The following ZC3H12B variants were observed in gnomAD, a reference collection of about 807,000 sequenced individuals.
The protein encoded by ZC3H12B is probable ribonuclease ZC3H12B.
A neutral mutation model predicts 43.9 loss-of-function variants in ZC3H12B; 7 were observed. That is an observed-to-expected ratio of 0.16 (90% confidence interval 0.09 to 0.30). ZC3H12B has a LOEUF of 0.30. Ranked by LOEUF, ZC3H12B falls within the 10% of genes least tolerant of loss-of-function variation. The probability of loss-of-function intolerance (pLI) is 1.00; values close to 1 mark genes in which losing one functional copy is unlikely to be tolerated. For missense variants in ZC3H12B, 475 were observed against 670.2 expected, an observed-to-expected ratio of 0.71 and a Z score of 3.22; for synonymous variants, 222 against 241.7, an observed-to-expected ratio of 0.92 and a Z score of 0.76.
the ZC3H12B span, among the ~76,000 whole-genome samples, chrX:65,127,641 G>A: frequency 1.8e-5 from 2 of 111,125 alleles, no homozygotes; most frequent in Non-Finnish European, 3.8e-5. Flanking sequence ...AAGACCACCT[G>A]GTTGTGGCAG....
At chrX:65,313,808 C>A in the ZC3H12B span, among the ~76,000 whole-genome samples, 1 of 111,702 alleles carries the variant, frequency 9.0e-6, no homozygotes, top group Non-Finnish European at 1.9e-5. Context: ...TTGACAGATT[C>A]TCAAGTGAAA....
At chrX:65,135,251 T>A in the ZC3H12B span, among the ~76,000 whole-genome samples, 1 of 111,481 alleles carries the variant, frequency 9.0e-6, no homozygotes, top group Non-Finnish European at 1.9e-5. Flanking sequence ...TAGAAGCACA[T>A]CACACAATGT....
chrX:65,500,771 T>C (rs947684232), intron 4 of ZC3H12B, among the ~76,000 whole-genome samples: 2 of 109,853 alleles, frequency 1.8e-5, no homozygotes, highest in African/African-American at 3.3e-5. Flanking sequence ...AATATAGTTT[T>C]CTAGAGTGTT....
chrX:65,131,493 G>C, the ZC3H12B span, among the ~76,000 whole-genome samples: 18 of 111,389 alleles, frequency 1.6e-4, no homozygotes, highest in Admixed American at 1.1e-3. Context: ...TAATGAAAAG[G>C]GTTGGGATGA....
At chrX:65,143,387 G>A in the ZC3H12B span, among the ~76,000 whole-genome samples, 1 of 110,637 alleles carries the variant, frequency 9.0e-6, no homozygotes, top group Non-Finnish European at 1.9e-5. Flanking sequence ...ATATTGTTGA[G>A]AGTTTTAATC....
the ZC3H12B span, among the ~76,000 whole-genome samples, chrX:65,346,472 A>T: frequency 8.9e-6 from 1 of 111,773 alleles, no homozygotes; most frequent in South Asian, 3.7e-4. Flanking sequence ...TACAAAAAGT[A>T]ACTCAAGATG....
At chrX:65,154,609 G>C in the ZC3H12B span, among the ~76,000 whole-genome samples, 1 of 112,248 alleles carries the variant, frequency 8.9e-6, no homozygotes, top group Non-Finnish European at 1.9e-5. Context: ...GTTCATTTGG[G>C]AGGCAAAGGC....
At chrX:65,270,695 A>C in the ZC3H12B span, among the ~76,000 whole-genome samples, 7 of 112,393 alleles carry the variant, frequency 6.2e-5, no homozygotes, top group Non-Finnish European at 1.1e-4. Flanking sequence ...ACAAAGTGAG[A>C]ATTTTAACAA....
At chrX:65,055,044 A>G in the ZC3H12B span, among the ~76,000 whole-genome samples, 1 of 111,434 alleles carries the variant, frequency 9.0e-6, no homozygotes, top group African/African-American at 3.3e-5. Context: ...GGGACAATTT[A>G]ACTTCCTCTT....
the ZC3H12B span, among the ~76,000 whole-genome samples, chrX:65,199,425 G>A: frequency 9.1e-6 from 1 of 109,975 alleles, no homozygotes; most frequent in Non-Finnish European, 1.9e-5. Context: ...GTTTCCTCAA[G>A]GCAGCTATTT....
intron 3 of ZC3H12B, among the ~76,000 whole-genome samples, chrX:65,412,857 T>C (rs1288746079): frequency 8.9e-6 from 1 of 111,876 alleles, no homozygotes; most frequent in Non-Finnish European, 1.9e-5. Context: ...TTTTGTTTTT[T>C]TTGAGGAAAT....
the ZC3H12B span, among the ~76,000 whole-genome samples, chrX:65,317,813 C>CTA: frequency 3.3e-4 from 33 of 100,187 alleles, no homozygotes; most frequent in Admixed American, 8.9e-4. Flanking sequence ...TATACACACA[C>CTA]TATATATATA....
At chrX:65,260,549 A>G in the ZC3H12B span, among the ~76,000 whole-genome samples, 265 of 111,652 alleles carry the variant, frequency 2.4e-3, 2 homozygotes, top group Non-Finnish European at 4.2e-3. Flanking sequence ...AAACCTGTAA[A>G]TGTACCCTGA....
chrX:65,353,400 A>G, the ZC3H12B span, among the ~76,000 whole-genome samples: 1 of 111,446 alleles, frequency 9.0e-6, no homozygotes, highest in Non-Finnish European at 1.9e-5. Flanking sequence ...TTAGTGTTCA[A>G]GTGAAAGGAA....
chrX:65,095,728 T>G, the ZC3H12B span, among the ~76,000 whole-genome samples: 5 of 111,785 alleles, frequency 4.5e-5, no homozygotes, highest in African/African-American at 1.6e-4. Flanking sequence ...TATTGGGGTT[T>G]TATGAGTTTA....
intron 3 of ZC3H12B, among the ~76,000 whole-genome samples, chrX:65,456,435 C>T (rs1317644314): frequency 3.3e-5 from 2 of 61,212 alleles, no homozygotes; most frequent in Non-Finnish European, 5.9e-5. Context: ...CTCCCTCTCC[C>T]TCTCCCTCTC....
the ZC3H12B span, among the ~76,000 whole-genome samples, chrX:65,119,914 C>T: frequency 8.9e-6 from 1 of 111,926 alleles, no homozygotes; most frequent in African/African-American, 3.2e-5. Context: ...ACCCTTTCCC[C>T]ATTTCTGGTT....
the ZC3H12B span, among the ~76,000 whole-genome samples, chrX:65,188,743 A>T: frequency 9.2e-6 from 1 of 109,062 alleles, no homozygotes; most frequent in African/African-American, 3.3e-5. Flanking sequence ...TGATTTTTGT[A>T]TATTGATTTC....
chrX:65,201,086 A>AT, the ZC3H12B span, among the ~76,000 whole-genome samples: 3 of 111,595 alleles, frequency 2.7e-5, no homozygotes, highest in Admixed American at 9.5e-5. Flanking sequence ...CTTTGTTTCA[A>AT]TTTTTTTGGA....
Sources: allele counts gnomAD v4.1 joint callset (sites outside exome capture counted in the v4.1 genomes callset), GRCh38; gene constraint gnomAD v4.1.1; transcripts MANE v1.5; gene names NCBI Gene and HGNC (gene_info 2026-07-23, HGNC 2026-07-21).